The following CNTN6 variants were observed in gnomAD, a reference collection of about 807,000 sequenced individuals.
The protein encoded by CNTN6 is contactin 6.
In CNTN6, 137 loss-of-function variants were observed where a neutral mutation model predicts 122.8. The ratio of observed to expected loss-of-function variants is 1.12; its 90% CI spans 0.97 to 1.29. The LOEUF (loss-of-function observed/expected upper bound fraction) is 1.29, where lower values mean the gene tolerates loss of function less well. Ranked by LOEUF, CNTN6 falls within the 50% of genes most tolerant of loss-of-function variation. The probability of loss-of-function intolerance (pLI) is 0.00; values close to 1 mark genes in which losing one functional copy is unlikely to be tolerated. For missense variants in CNTN6, 1,634 were observed against 1,223.4 expected (o/e 1.34, Z -5.01); for synonymous variants, 570 against 426.0 (o/e 1.34, Z -4.16).
At chr3:1,327,296 G>T (rs998746432) in intron 9 of CNTN6, among the ~76,000 whole-genome samples, 161 bp from the exon 10 acceptor site, 1 of 151,602 alleles carries the variant, frequency 6.6e-6, no homozygotes. Flanking sequence ...ACATATTTTC[G>T]TTTTTTAAAC....
chr3:1,224,192 T>TA (rs1404065473), intron 3 of CNTN6, among the ~76,000 whole-genome samples: 1 of 152,020 alleles, frequency 6.6e-6, no homozygotes, highest in African/African-American at 2.4e-5. Context: ...ATATGGAATC[T>TA]AAAAAAAGTT....
At chr3:1,179,438 G>A in intron 2 of CNTN6, among the ~76,000 whole-genome samples, 1 of 152,132 alleles carries the variant, frequency 6.6e-6, no homozygotes, top group East Asian at 1.9e-4. Flanking sequence ...GGTAAGAGGA[G>A]CATTGCTGTT....
intron 4 of CNTN6, among the ~76,000 whole-genome samples, chr3:1,248,988 T>C (rs916323951): frequency 8.5e-5 from 13 of 152,230 alleles, no homozygotes; most frequent in Non-Finnish European, 1.6e-4. Flanking sequence ...GGAGATCTTA[T>C]TAAATGCAAA....
At chr3:1,401,572 A>G (rs1479037731) in intron 21 of CNTN6, 27 bp downstream of exon 21, 3 of 1,483,512 alleles carry the variant, frequency 2.0e-6, no homozygotes, top group Admixed American at 1.8e-5. Context: ...TCCTTTAATC[A>G]TATCAATTAA....
intron 5 of CNTN6, among the ~76,000 whole-genome samples, chr3:1,284,754 T>C (rs1311934102): frequency 6.6e-6 from 1 of 152,208 alleles, no homozygotes; most frequent in African/African-American, 2.4e-5. Flanking sequence ...AAGGTTTCAC[T>C]GCTATTTGAG....
At chr3:1,254,895 G>A (rs17036648) in intron 4 of CNTN6, among the ~76,000 whole-genome samples, 11,238 of 152,012 alleles carry the variant, frequency 0.074, 762 homozygotes, top group South Asian at 0.31. Flanking sequence ...TTTTGGTCAC[G>A]AATTTTTGGT....
chr3:1,196,268 G>A (rs888790353), intron 2 of CNTN6, among the ~76,000 whole-genome samples: 1 of 152,138 alleles, frequency 6.6e-6, no homozygotes, highest in Non-Finnish European at 1.5e-5. Context: ...GAAATATGGT[G>A]CAGAAAACCT....
intron 12 of CNTN6, among the ~76,000 whole-genome samples, chr3:1,363,888 G>A (rs112408059): frequency 5.3e-5 from 8 of 151,842 alleles, no homozygotes; most frequent in African/African-American, 1.9e-4. Flanking sequence ...CAGTATGTAA[G>A]AGCTCCCTTT....
At chr3:1,114,270 C>T (rs1332400154) in intron 1 of CNTN6, among the ~76,000 whole-genome samples, 1 of 152,156 alleles carries the variant, frequency 6.6e-6, no homozygotes, top group East Asian at 1.9e-4. Context: ...TATTTGTATT[C>T]ACCAGTGTGG....
At chr3:1,372,010 C>T (rs1189653454) in intron 12 of CNTN6, among the ~76,000 whole-genome samples, 1 of 152,088 alleles carries the variant, frequency 6.6e-6, no homozygotes, top group Non-Finnish European at 1.5e-5. Context: ...AAAAACAATG[C>T]AGTGCATCCT....
chr3:1,186,548 G>A (rs1297408510), intron 2 of CNTN6, among the ~76,000 whole-genome samples: 1 of 152,108 alleles, frequency 6.6e-6, no homozygotes, highest in Non-Finnish European at 1.5e-5. Flanking sequence ...TCCCACTTAG[G>A]TGTTTTTCTT....
Position 1,374,112 on chromosome 3 carries a change from G to C in CNTN6, c.2095+39G>C. 2.5e-6 allele frequency: 4 copies of C among 1,580,600 alleles called. No individual in the cohort carries two copies. The African/African-American group carries it at 4.1e-5, about 16-fold the overall frequency. On this transcript the variant is annotated intron_variant, in intron 16 of 22. Coordinates refer to ENST00000446702, the MANE Select transcript of CNTN6 (RefSeq NM_001289080.2). ...GTGTTCTAAAAGTGTGGAAGATTTC[G>C]TATGATACAGTTCTTAAAACAAAAC...
chr3:1,314,531 T>C (rs753884747), intron 7 of CNTN6, among the ~76,000 whole-genome samples: 33 of 152,106 alleles, frequency 2.2e-4, no homozygotes, highest in Non-Finnish European at 1.8e-4. Flanking sequence ...AAAAATTCTA[T>C]TTATGGGCTA....
chr3:1,117,250 C>T (rs560450887), intron 1 of CNTN6, among the ~76,000 whole-genome samples: 16 of 152,058 alleles, frequency 1.1e-4, no homozygotes, highest in East Asian at 3.9e-4. Flanking sequence ...GAATCTCTGA[C>T]AAAGATTTGG....
intron 1 of CNTN6, among the ~76,000 whole-genome samples, chr3:1,096,950 T>G (rs745814416): frequency 2.0e-5 from 3 of 152,174 alleles, no homozygotes; most frequent in African/African-American, 7.2e-5. Flanking sequence ...TGTGGGACAA[T>G]AGAGGACATT....
chr3:1,307,278 G>A (rs1220386311), intron 7 of CNTN6, among the ~76,000 whole-genome samples: 1 of 152,140 alleles, frequency 6.6e-6, no homozygotes, highest in Non-Finnish European at 1.5e-5. Context: ...AGAGACTGGA[G>A]AGGGTCACTG....
chr3:1,156,633 CTT>C lies in CNTN6; in HGVS notation c.55+8572_55+8573del, dbSNP rs1269697148. On this transcript the variant is annotated intron_variant, in intron 2 of 22. Coordinates refer to ENST00000446702, the MANE Select transcript of CNTN6 (RefSeq NM_001289080.2). Reference sequence around the variant, plus strand: ...CTTTTTCTTTTCTTTCTTTCTTTCTCTTTCTTTCTTTCTTGCTCTTGCTCTTT... The same window carrying C: ...CTTTTTCTTTTCTTTCTTTCTTTCTCTCTTTCTTTCTTGCTCTTGCTCTTT... Among the ~76,000 whole-genome samples, 5 of 134,224 alleles carry C rather than the reference CTT, an allele frequency of 3.7e-5. No homozygotes were observed. The East Asian group carries it at 1.2e-3, about 33-fold the overall frequency. The allele number at this position is 134,224 out of a possible 152,430, so 88.1% of individuals were successfully genotyped here.
intron 4 of CNTN6, among the ~76,000 whole-genome samples, chr3:1,234,706 TAAC>T (rs530481317): frequency 0.057 from 6,320 of 110,772 alleles, 431 homozygotes; most frequent in African/African-American, 0.21. Context: ...AGAAAAGAAC[TAAC>T]TGAACAAAAG....
chr3:1,098,509 G>C (rs2090658815), intron 1 of CNTN6, among the ~76,000 whole-genome samples: 1 of 150,980 alleles, frequency 6.6e-6, no homozygotes, highest in African/African-American at 2.4e-5. Context: ...AAAAAATAAA[G>C]ACCTTTCCAT....
Sources: allele counts gnomAD v4.1 joint callset (sites outside exome capture counted in the v4.1 genomes callset), GRCh38; gene constraint gnomAD v4.1.1; transcripts MANE v1.5; gene names NCBI Gene and HGNC (gene_info 2026-07-23, HGNC 2026-07-21).